Variants in GALNT9 observed in about 807,000 individuals in gnomAD.
The protein encoded by GALNT9 is polypeptide N-acetylgalactosaminyltransferase 9.
GALNT9 carries 47 observed loss-of-function variants against 63.1 expected under a neutral mutation model. That is an observed-to-expected ratio of 0.75 (90% confidence interval 0.59 to 0.95). GALNT9 has a LOEUF of 0.95. GALNT9 is among the 40% of genes least tolerant of loss of function. GALNT9 has a pLI of 0.00. For synonymous variants in GALNT9, 396 were observed against 365.7 expected (o/e 1.08, Z -0.94); for missense variants, 829 against 874.8 (o/e 0.95, Z 0.66).
At chr12:132,304,657 TCACCC>T (rs1881494415) in intron 1 of GALNT9, among the ~76,000 whole-genome samples, 2 of 44,974 alleles carry the variant, frequency 4.4e-5, no homozygotes, top group African/African-American at 9.3e-5. Context: ...GGACACACCC[TCACCC>T]GGGCACAGCC....
At chr12:132,200,098 T>C (rs1240268469) in intron 8 of GALNT9, among the ~76,000 whole-genome samples, 1 of 152,096 alleles carries the variant, frequency 6.6e-6, no homozygotes. Flanking sequence ...GGTGCCCCGA[T>C]GCACACTCAG....
chr12:132,245,869 G>A lies in GALNT9; in HGVS notation c.1077+2041C>T, dbSNP rs1018259250. 8.5e-5 allele frequency among the ~76,000 whole-genome samples: 13 copies of A among 152,198 alleles called. No homozygotes were observed. Among genetic ancestry groups the A allele is most frequent in the Non-Finnish European group, 1.2e-4 (8 of 68,030 alleles). On this transcript the variant is annotated intron_variant, in intron 6 of 10. Transcript: ENST00000328957. The surrounding 1 kb of genome is among the most constrained non-coding windows in gnomAD (Gnocchi z 6.3). Reference sequence around the variant, plus strand: ...CTGAGGCGACTTGTCTTTCACTGACGGTGGCTCTGTCCCCAGGACCACATC... The same window carrying A: ...CTGAGGCGACTTGTCTTTCACTGACAGTGGCTCTGTCCCCAGGACCACATC...
At position 132,246,541 on chromosome 12, in the gene GALNT9, T is replaced by C. The variant is rs1751796456; in HGVS notation, c.1077+1369A>G. On this transcript the variant is annotated intron_variant, in intron 6 of 10. Coordinates refer to ENST00000328957, the MANE Select transcript of GALNT9 (RefSeq NM_001122636.2). The surrounding 1 kb of genome is among the most constrained non-coding windows in gnomAD (Gnocchi z 4.7). ...GGTATTATTTTATTTTATTTTATCA[T>C]ATATTTTTTGAAATGGAGTCTCACT... Among the ~76,000 whole-genome samples, 1 of 152,212 alleles carries C rather than the reference T, an allele frequency of 6.6e-6. No individual in the cohort carries two copies.
intron 1 of GALNT9, among the ~76,000 whole-genome samples, chr12:132,301,521 G>A (rs558206937): frequency 1.3e-5 from 2 of 152,386 alleles, no homozygotes; most frequent in African/African-American, 4.8e-5. Context: ...CTGCCCCATC[G>A]TCGGCCCCTG....
At chr12:132,211,324 CA>C (rs1876948145) in intron 6 of GALNT9, among the ~76,000 whole-genome samples, 1 of 152,118 alleles carries the variant, frequency 6.6e-6, no homozygotes, top group Non-Finnish European at 1.5e-5. Context: ...TTCTCATTGG[CA>C]AAAATGTGTT....
At chr12:132,231,040 C>T (rs1469843207) in intron 6 of GALNT9, among the ~76,000 whole-genome samples, 2 of 139,766 alleles carry the variant, frequency 1.4e-5, no homozygotes, top group African/African-American at 2.8e-5. Flanking sequence ...GATGGGGCGA[C>T]AGAGGAGACA....
chr12:132,289,313 G>A (rs1880722714), intron 1 of GALNT9, among the ~76,000 whole-genome samples: 1 of 152,144 alleles, frequency 6.6e-6, no homozygotes, highest in Admixed American at 6.5e-5. Flanking sequence ...CTTTTGTCGT[G>A]CCATGTTGCC....
intron 2 of GALNT9, among the ~76,000 whole-genome samples, chr12:132,267,613 A>C (rs1422266821): frequency 2.6e-5 from 4 of 152,202 alleles, no homozygotes; most frequent in East Asian, 3.8e-4. Flanking sequence ...TCAAGTTAAG[A>C]CTGATTTTAG....
In GALNT9 at chr12:132,197,205, TCTC is replaced by T. The variant is rs1312170977; in HGVS notation, c.1711_1713del (p.Glu571del). 3.1e-6 allele frequency: 5 copies of T among 1,613,784 alleles called. No individual in the cohort carries two copies. In the Admixed American group the frequency reaches 6.7e-5, roughly 22 times the overall value. ...AGCCCAAAGTTGGCATCTTTGGACATCTCCACCTCCAGGCAGCGGCCCGTGGCC... is the reference window on the plus strand; with the variant it reads ...AGCCCAAAGTTGGCATCTTTGGACATCACCTCCAGGCAGCGGCCCGTGGCC... On this transcript the variant is annotated inframe_deletion, in exon 11 of 11. Coordinates refer to ENST00000328957, the MANE Select transcript of GALNT9 (RefSeq NM_001122636.2).
intron 5 of GALNT9, 96 bp downstream of exon 5, chr12:132,257,593 C>T (rs980726680): frequency 2.3e-5 from 21 of 914,922 alleles, no homozygotes; most frequent in South Asian, 8.2e-5. Context: ...CCCTCGTCCC[C>T]GGCCCTCATC....
intron 6 of GALNT9, chr12:132,247,462 A>T (rs1021807094): frequency 5.3e-6 from 2 of 379,948 alleles, no homozygotes; most frequent in Non-Finnish European, 1.1e-5. Flanking sequence ...CAGCTCAGGG[A>T]CCCTGGGAGC....
chr12:132,237,913 G>A, intron 6 of GALNT9, among the ~76,000 whole-genome samples: 1 of 152,160 alleles, frequency 6.6e-6, no homozygotes, highest in Non-Finnish European at 1.5e-5. Flanking sequence ...GGACCCCCGT[G>A]CCAGGCCTGC....
intron 1 of GALNT9, among the ~76,000 whole-genome samples, chr12:132,289,298 T>C (rs1880721868): frequency 6.6e-6 from 1 of 152,250 alleles, no homozygotes; most frequent in South Asian, 2.1e-4. Context: ...TCTCATCGGC[T>C]TGATCTTTTG....
At chr12:132,219,540 G>A (rs1339022759) in intron 6 of GALNT9, among the ~76,000 whole-genome samples, 2 of 152,180 alleles carry the variant, frequency 1.3e-5, no homozygotes, top group African/African-American at 4.8e-5. Context: ...ATCCTGGCAT[G>A]AACTCAGGGT....
At chr12:132,225,803 C>T (rs1385425902) in intron 6 of GALNT9, among the ~76,000 whole-genome samples, 1 of 147,360 alleles carries the variant, frequency 6.8e-6, no homozygotes, top group Non-Finnish European at 1.5e-5. Context: ...ACACAACCCA[C>T]ACCCCACTGT....
intron 1 of GALNT9, among the ~76,000 whole-genome samples, chr12:132,304,419 AC>A (rs1881473891): frequency 7.4e-5 from 6 of 81,536 alleles, no homozygotes; most frequent in Admixed American, 2.5e-4. Context: ...ACACGCCCTC[AC>A]CCGGGCACAG....
chr12:132,298,248 T>C (rs1052899464), intron 1 of GALNT9, among the ~76,000 whole-genome samples: 6 of 151,714 alleles, frequency 4.0e-5, no homozygotes, highest in Non-Finnish European at 1.5e-5. Flanking sequence ...CCATTGCACC[T>C]CAGAGACAAC....
At chr12:132,324,052 C>A (rs908818184) in intron 1 of GALNT9, among the ~76,000 whole-genome samples, 37 of 152,344 alleles carry the variant, frequency 2.4e-4, no homozygotes, top group African/African-American at 8.9e-4. Context: ...CCAGCAGGAG[C>A]CATTTGGGAA....
rs1163793315 is a variant in GALNT9 at position 132,236,679 on chromosome 12, C to T, written c.1077+11231G>A. ...AACCAAAGCCATCCCGAAGATCGCC[C>T]AGCCTCGCAAGGTGTAAGGTTTCGG... On this transcript the variant is annotated intron_variant, in intron 6 of 10. Coordinates refer to ENST00000328957, the MANE Select transcript of GALNT9 (RefSeq NM_001122636.2). The surrounding 1 kb of genome is among the most constrained non-coding windows in gnomAD (Gnocchi z 5.6). Among the ~76,000 whole-genome samples the T allele has an allele frequency of 6.6e-6, 1 of 152,214 alleles. No homozygotes were observed. The highest frequency in any genetic ancestry group is 2.4e-5 in the African/African-American group (1 of 41,448).
Sources: gnomAD v4.1 joint callset for allele counts (sites outside exome capture counted in the v4.1 genomes callset) on GRCh38, gnomAD v4.1.1 for gene constraint, Gnocchi (gnomAD v3.1) non-coding constraint, MANE v1.5 for transcripts, NCBI Gene and HGNC (gene_info 2026-07-23, HGNC 2026-07-21) for gene names.